The following CDK14 variants were observed in gnomAD, a reference collection of about 807,000 sequenced individuals.
CDK14 encodes cyclin dependent kinase 14, also known as cyclin-dependent kinase 14.
Under a neutral mutation model 60.7 loss-of-function variants are expected in CDK14, and 34 were observed. The ratio of observed to expected loss-of-function variants is 0.56; its 90% CI spans 0.43 to 0.75. The LOEUF (loss-of-function observed/expected upper bound fraction) is 0.75, where lower values mean the gene tolerates loss of function less well. Among genes scored for constraint, CDK14 ranks in the 30% least tolerant of loss-of-function variants. The pLI, the probability that CDK14 is intolerant of heterozygous loss-of-function variation, is 0.00. For missense variants in CDK14, 482 were observed against 564.1 expected (o/e 0.85, Z 1.47); for synonymous variants, 197 against 203.7 (o/e 0.97, Z 0.28).
intron 3 of CDK14, among the ~76,000 whole-genome samples, chr7:90,732,860 G>A (rs943072100): frequency 6.6e-6 from 1 of 152,050 alleles, no homozygotes; most frequent in African/African-American, 2.4e-5. Context: ...TCTCATCTTA[G>A]TTATTTCTTG....
intron 10 of CDK14, among the ~76,000 whole-genome samples, chr7:91,015,558 C>T (rs148525942): frequency 0.17 from 19,463 of 115,968 alleles, 1,703 homozygotes; most frequent in Middle Eastern, 0.4. Flanking sequence ...GACTGTGTCT[C>T]GCTTTGTTGC....
chr7:90,916,896 C>G (rs1450030143), intron 7 of CDK14, among the ~76,000 whole-genome samples: 1 of 152,158 alleles, frequency 6.6e-6, no homozygotes, highest in Non-Finnish European at 1.5e-5. Flanking sequence ...GAAATTATTT[C>G]TTCCAAAAGT....
rs572013371 is a variant in CDK14 at position 90,596,512 on chromosome 7, C to A, written c.-116C>A. The A allele has an allele frequency of 2.3e-5, 18 of 795,280 alleles. No individual in the cohort carries two copies. Among genetic ancestry groups the A allele is most frequent in the South Asian group, 1.2e-4 (8 of 64,588 alleles). The allele number at this position is 795,280 out of a possible 1,614,324, so 49.3% of individuals were successfully genotyped here. On this transcript the variant is annotated 5_prime_UTR_variant, in exon 1 of 15. Coordinates refer to ENST00000380050, the MANE Select transcript of CDK14 (RefSeq NM_001287135.2). ...TAGACCTGCGCGTCGCTTCCCGGCC[C>A]GCCGAGGAGGTGGTGGAGGAGGAGG...
At chr7:90,839,587 T>C (rs749300336) in intron 5 of CDK14, among the ~76,000 whole-genome samples, 2 of 152,144 alleles carry the variant, frequency 1.3e-5, no homozygotes, top group South Asian at 2.1e-4. Flanking sequence ...AAATGGCAAA[T>C]TTGTGCCTCA....
chr7:90,659,464 T>G (rs1161029678), intron 2 of CDK14, among the ~76,000 whole-genome samples: 1 of 152,188 alleles, frequency 6.6e-6, no homozygotes, highest in Non-Finnish European at 1.5e-5. Context: ...TAAATATACG[T>G]TTCTTGCTGA....
intron 9 of CDK14, among the ~76,000 whole-genome samples, chr7:90,964,940 C>T (rs1794708497): frequency 1.3e-5 from 2 of 152,112 alleles, no homozygotes; most frequent in Non-Finnish European, 2.9e-5. Context: ...GTTGTCTTTG[C>T]TCTTATGACT....
At chr7:91,115,347 C>A (rs377366033) in intron 13 of CDK14, among the ~76,000 whole-genome samples, 66 of 152,256 alleles carry the variant, frequency 4.3e-4, no homozygotes, top group African/African-American at 1.5e-3. Flanking sequence ...GTGAAGGGCA[C>A]CTTGCTGTGT....
intron 14 of CDK14, among the ~76,000 whole-genome samples, chr7:91,122,421 G>C (rs1234081456): frequency 6.6e-6 from 1 of 152,098 alleles, no homozygotes; most frequent in African/African-American, 2.4e-5. Flanking sequence ...CCTGCTTTTA[G>C]ACAGAACACA....
At chr7:90,877,093 T>C (rs1791587079) in intron 6 of CDK14, among the ~76,000 whole-genome samples, 1 of 152,320 alleles carries the variant, frequency 6.6e-6, no homozygotes, top group East Asian at 1.9e-4. Context: ...TGTTGACACA[T>C]GTATAGATAC....
chr7:90,911,504 A>G (rs987776506), intron 7 of CDK14, among the ~76,000 whole-genome samples: 8 of 152,194 alleles, frequency 5.3e-5, no homozygotes, highest in African/African-American at 1.9e-4. Flanking sequence ...GAAAGCCCTG[A>G]GAGACCCCGC....
intron 6 of CDK14, among the ~76,000 whole-genome samples, chr7:90,875,777 T>G (rs1483595930): frequency 6.6e-6 from 1 of 152,084 alleles, no homozygotes; most frequent in Non-Finnish European, 1.5e-5. Flanking sequence ...TAATTCTTTT[T>G]TCTTTAGCTC....
At chr7:90,792,756 A>G (rs1480550512) in intron 5 of CDK14, among the ~76,000 whole-genome samples, 1 of 151,950 alleles carries the variant, frequency 6.6e-6, no homozygotes, top group African/African-American at 2.4e-5. Context: ...TCCCTTCTCT[A>G]CTCTGTTAGC....
In CDK14 at chr7:90,765,608, T is replaced by TC. The variant is rs1306184089; in HGVS notation, c.464+17833_464+17834insC. On this transcript the variant is annotated intron_variant, in intron 4 of 14. Coordinates refer to ENST00000380050, the MANE Select transcript of CDK14 (RefSeq NM_001287135.2). ...ACATTTTACAACTAGGAAGGTTTTT[T>TC]TTTTTTTTAAGAATGTTAAGGGACT... Among the ~76,000 whole-genome samples the TC allele has an allele frequency of 2.0e-5, 3 of 151,788 alleles. No homozygotes were observed. The East Asian group carries it at 5.8e-4, about 29-fold the overall frequency.
chr7:90,627,498 C>G (rs933479779), intron 2 of CDK14, among the ~76,000 whole-genome samples: 1 of 152,184 alleles, frequency 6.6e-6, no homozygotes, highest in African/African-American at 2.4e-5. Context: ...CAGGCATGAG[C>G]CACTGTGCCC....
At chr7:91,058,014 G>A (rs564812551) in intron 11 of CDK14, among the ~76,000 whole-genome samples, 9,051 of 151,942 alleles carry the variant, frequency 0.06, 383 homozygotes, top group Middle Eastern at 0.16. Flanking sequence ...CCATTTTCAC[G>A]ATATTGATTC....
intron 8 of CDK14, among the ~76,000 whole-genome samples, chr7:90,935,622 T>C (rs1254106786): frequency 1.3e-5 from 2 of 152,348 alleles, no homozygotes; most frequent in East Asian, 3.9e-4. Context: ...TAATGGGCAA[T>C]TATACCAATG....
At chr7:90,634,039 A>G (rs907943245) in intron 2 of CDK14, among the ~76,000 whole-genome samples, 1 of 152,218 alleles carries the variant, frequency 6.6e-6, no homozygotes, top group Non-Finnish European at 1.5e-5. Flanking sequence ...ATTGCTGTTT[A>G]TAGAGCAAAA....
At chr7:90,670,034 T>G (rs1801065505) in intron 2 of CDK14, among the ~76,000 whole-genome samples, 1 of 152,236 alleles carries the variant, frequency 6.6e-6, no homozygotes, top group Non-Finnish European at 1.5e-5. Context: ...TTTTCCACAG[T>G]AGCCTGTGGG....
chr7:90,624,636 T>A (rs1224730126), intron 2 of CDK14, among the ~76,000 whole-genome samples: 1 of 152,184 alleles, frequency 6.6e-6, no homozygotes, highest in East Asian at 1.9e-4. Context: ...TCTGACAGTA[T>A]TACAAACTGG....
Sources: allele counts gnomAD v4.1 joint callset (sites outside exome capture counted in the v4.1 genomes callset), GRCh38; gene constraint gnomAD v4.1.1; transcripts MANE v1.5; gene names NCBI Gene and HGNC (gene_info 2026-07-23, HGNC 2026-07-21).